The following ANK2 variants were observed in gnomAD, a reference collection of about 807,000 sequenced individuals.
ANK2 encodes ankyrin 2.
Under a neutral mutation model 360.5 loss-of-function variants are expected in ANK2, and 83 were observed. The ratio of observed to expected loss-of-function variants is 0.23; its 90% CI spans 0.19 to 0.28. The LOEUF (loss-of-function observed/expected upper bound fraction) is 0.28, where lower values mean the gene tolerates loss of function less well. Ranked by LOEUF, ANK2 falls within the 10% of genes least tolerant of loss-of-function variation. ANK2 has a pLI of 1.00. For synonymous variants in ANK2, 1,740 were observed against 1,759.5 expected, an observed-to-expected ratio of 0.99 and a Z score of 0.28; for missense variants, 4,201 against 4,795.7, an observed-to-expected ratio of 0.88 and a Z score of 3.66.
chr4:112,916,062 T>C (rs1179878994), intron 2 of ANK2, among the ~76,000 whole-genome samples: 1 of 152,216 alleles, frequency 6.6e-6, no homozygotes, highest in Non-Finnish European at 1.5e-5. Context: ...AACTGTTGTG[T>C]GAGTTTCATT....
At chr4:112,777,220 C>T in the ANK2 span, among the ~76,000 whole-genome samples, 4 of 151,994 alleles carry the variant, frequency 2.6e-5, no homozygotes, top group African/African-American at 9.7e-5. Flanking sequence ...AACTGGCTCA[C>T]CAAGTAAATT....
rs568243496 is a variant in ANK2 at position 113,217,646 on chromosome 4, G to T, written c.385-14515G>T. The stretch of plus-strand genomic sequence containing the variant: ...TTCATGAGAGGGTTCGTGCACCTGT[G>T]AGAATCTAATGCCATCTCTGATCTG... On this transcript the variant is annotated intron_variant, in intron 4 of 45. Transcript: ENST00000357077. 3.3e-5 allele frequency among the ~76,000 whole-genome samples: 5 copies of T among 152,212 alleles called. No homozygotes were observed. The East Asian group carries it at 9.7e-4, about 29-fold the overall frequency.
At chr4:112,803,070 T>G in the ANK2 span, among the ~76,000 whole-genome samples, 2 of 152,172 alleles carry the variant, frequency 1.3e-5, no homozygotes, top group African/African-American at 4.8e-5. Flanking sequence ...CTGACACCAC[T>G]GATTTAGGAA....
the ANK2 span, among the ~76,000 whole-genome samples, chr4:112,776,295 A>G: frequency 1.3e-5 from 2 of 152,256 alleles, no homozygotes; most frequent in Non-Finnish European, 2.9e-5. Context: ...AGTGAATACT[A>G]AAAGAAGCAG....
At chr4:112,855,350 G>T (rs2066099889) in intron 1 of ANK2, among the ~76,000 whole-genome samples, 3 of 152,186 alleles carry the variant, frequency 2.0e-5, no homozygotes. Context: ...GTCCACATCT[G>T]CTGAAACAAC....
intron 1 of ANK2, among the ~76,000 whole-genome samples, chr4:112,868,506 C>T (rs1322684248): frequency 1.3e-5 from 2 of 152,232 alleles, no homozygotes; most frequent in Non-Finnish European, 2.9e-5. Flanking sequence ...TTAATCTGCT[C>T]CTGAGGGCAG....
At chr4:113,145,957 A>T (rs2096818600) in intron 1 of ANK2, 1 of 1,289,710 alleles carries the variant, frequency 7.8e-7, no homozygotes, top group South Asian at 1.2e-5. Context: ...AAAACCCCAG[A>T]CTACTATGGC....
intron 17 of ANK2, among the ~76,000 whole-genome samples, chr4:113,279,070 A>G (rs2061290871): frequency 6.6e-6 from 1 of 152,040 alleles, no homozygotes. Flanking sequence ...GTGTATATCT[A>G]GCACCAAATT....
chr4:112,912,541 G>A lies in ANK2; in HGVS notation c.21+8027G>A, dbSNP rs182120142. 1.8e-3 allele frequency among the ~76,000 whole-genome samples: 275 copies of A among 151,924 alleles called. 1 individual carries two copies. Among genetic ancestry groups the A allele is most frequent in the Admixed American group, 6.9e-3 (105 of 15,234 alleles). On this transcript the variant is annotated intron_variant, in intron 2 of 30. Transcript: ENST00000503271. ...CCTCCCATTTTCTTATCTTTTAAGTGGGGAATCCCAAAGTAAAAATATATA... is the reference window on the plus strand; with the variant it reads ...CCTCCCATTTTCTTATCTTTTAAGTAGGGAATCCCAAAGTAAAAATATATA...
chr4:112,719,989 G>C, the ANK2 span, among the ~76,000 whole-genome samples: 3 of 152,144 alleles, frequency 2.0e-5, no homozygotes, highest in Non-Finnish European at 4.4e-5. Flanking sequence ...TATGAGACTG[G>C]TGAGTTAGTC....
chr4:113,340,673 G>T (rs891346963), intron 32 of ANK2, among the ~76,000 whole-genome samples: 1 of 152,006 alleles, frequency 6.6e-6, no homozygotes, highest in Non-Finnish European at 1.5e-5. Context: ...CTCCAGCCTG[G>T]GCGACAGAGA....
At chr4:113,302,730 GTTTCAACTTGAACA>G in intron 22 of ANK2, 23 bp from the exon 23 acceptor site, 1 of 1,548,308 alleles carries the variant, frequency 6.5e-7, no homozygotes. Context: ...TTTACTTTTG[GTTTCAACTTGAACA>G]TTAATGATTT....
At chr4:113,062,354 A>C (rs955183063) in intron 1 of ANK2, among the ~76,000 whole-genome samples, 14 of 152,090 alleles carry the variant, frequency 9.2e-5, no homozygotes, top group African/African-American at 3.4e-4. Flanking sequence ...TGAAAGTAAT[A>C]ATAATGTGCA....
At position 113,358,989 on chromosome 4, in the gene ANK2, G is replaced by A. The variant is rs142908806; in HGVS notation, c.10371G>A (p.Thr3457=). 3,404 of 1,614,034 alleles carry A rather than the reference G, an allele frequency of 2.1e-3. 22 individuals carry two copies. The Middle Eastern group carries it at 0.023, about 11-fold the overall frequency. ...CTACATCTTCCTGCAGGGGGGGCAC[G>A]AGCCCCACAAAAGAAAGTAAGGAGC... ...RSTTSSCRGG[T]SPTKESKEHF... Residue 3457 remains threonine (T), a synonymous_variant, in exon 38 of 46, where the codon ACG becomes ACA. Coordinates refer to ENST00000357077, the MANE Select transcript of ANK2 (RefSeq NM_001148.6).
At chr4:112,943,387 G>T (rs2094357494) in intron 2 of ANK2, among the ~76,000 whole-genome samples, 1 of 151,692 alleles carries the variant, frequency 6.6e-6, no homozygotes, top group Admixed American at 6.6e-5. Context: ...GCAAATATGG[G>T]CAGTGTCAAT....
intron 2 of ANK2, among the ~76,000 whole-genome samples, chr4:112,928,976 C>T (rs1201217719): frequency 6.6e-6 from 1 of 151,970 alleles, no homozygotes; most frequent in Non-Finnish European, 1.5e-5. Flanking sequence ...TCTCAGCCTC[C>T]TGAGTAGCTG....
chr4:113,050,199 G>T (rs2066308867), intron 1 of ANK2, among the ~76,000 whole-genome samples: 1 of 151,338 alleles, frequency 6.6e-6, no homozygotes, highest in Non-Finnish European at 1.5e-5. Flanking sequence ...CAGATTTTTG[G>T]CCAGATGCGT....
chr4:113,180,325 T>C (rs113418449), intron 2 of ANK2, among the ~76,000 whole-genome samples: 129 of 152,302 alleles, frequency 8.5e-4, no homozygotes, highest in African/African-American at 3.0e-3. Flanking sequence ...ATAACAACAC[T>C]GAAGTTTTAG....
chr4:113,044,728 C>A (rs2063834783), upstream of ANK2, among the ~76,000 whole-genome samples: 1 of 152,140 alleles, frequency 6.6e-6, no homozygotes, highest in Non-Finnish European at 1.5e-5. Context: ...TCTGTCTTTG[C>A]ATGGCCATCT....
Sources: allele counts gnomAD v4.1 joint callset (sites outside exome capture counted in the v4.1 genomes callset), GRCh38; gene constraint gnomAD v4.1.1; transcripts MANE v1.5; gene names NCBI Gene and HGNC (gene_info 2026-07-23, HGNC 2026-07-21).